Variants in ZNF385D observed in about 807,000 individuals in gnomAD.
ZNF385D encodes zinc finger protein 659.
Under a neutral mutation model 35.8 loss-of-function variants are expected in ZNF385D, and 15 were observed. The ratio of observed to expected loss-of-function variants is 0.42; its 90% CI spans 0.28 to 0.64. The LOEUF (loss-of-function observed/expected upper bound fraction) is 0.64. Among genes scored for constraint, ZNF385D ranks in the 30% least tolerant of loss-of-function variants. The pLI, the probability that ZNF385D is intolerant of heterozygous loss-of-function variation, is 0.23. For synonymous variants in ZNF385D, 212 were observed against 186.8 expected (o/e 1.13, Z -1.10); for missense variants, 474 against 494.6 (o/e 0.96, Z 0.39).
chr3:21,943,915 T>C (rs529130011), intron 3 of ZNF385D, among the ~76,000 whole-genome samples: 2 of 152,318 alleles, frequency 1.3e-5, no homozygotes, highest in African/African-American at 2.4e-5. Flanking sequence ...GTGTTAAAAA[T>C]TCAATCAAGC....
chr3:21,819,576 G>A (rs2073301847), intron 3 of ZNF385D, among the ~76,000 whole-genome samples: 1 of 148,540 alleles, frequency 6.7e-6, no homozygotes, highest in Non-Finnish European at 1.5e-5. Context: ...TTAATTATAT[G>A]TACACATATG....
chr3:21,872,296 G>A (rs1048563016), intron 3 of ZNF385D, among the ~76,000 whole-genome samples: 3 of 152,098 alleles, frequency 2.0e-5, no homozygotes, highest in African/African-American at 7.2e-5. Flanking sequence ...GTTTGAAGTT[G>A]CATTTTCTCA....
In ZNF385D at chr3:22,132,760, G is replaced by A. The variant is rs1413909819; in HGVS notation, c.325+36057C>T. Among the ~76,000 whole-genome samples the A allele has an allele frequency of 2.0e-5, 3 of 151,864 alleles. No individual in the cohort carries two copies. The East Asian group carries it at 5.8e-4, about 29-fold the overall frequency. ...TATAAATACTTAATAATTTACCCATGTCTTTATCTAAAAGGCACTAAAAGT... is the reference window on the plus strand; with the variant it reads ...TATAAATACTTAATAATTTACCCATATCTTTATCTAAAAGGCACTAAAAGT... On this transcript the variant is annotated intron_variant, in intron 3 of 5. Coordinates refer to the ZNF385D transcript ENST00000494108.
intron 4 of ZNF385D, among the ~76,000 whole-genome samples, chr3:21,486,074 A>T (rs1169084864): frequency 7.2e-6 from 1 of 138,622 alleles, no homozygotes; most frequent in Non-Finnish European, 1.5e-5. Flanking sequence ...TTGGGTCACC[A>T]GCTGATGATT....
chr3:22,372,465 C>A, exon 2 of ZNF385D: 1 of 986,002 alleles, frequency 1.0e-6, no homozygotes, highest in Non-Finnish European at 1.2e-6. Context: ...CTGGGCTGAG[C>A]TTTCGGCGCC....
intron 3 of ZNF385D, among the ~76,000 whole-genome samples, chr3:21,925,677 T>C (rs9830105): frequency 6.6e-6 from 1 of 152,030 alleles, no homozygotes; most frequent in Non-Finnish European, 1.5e-5. Flanking sequence ...TGTAAAGATG[T>C]TGAGTGGATA....
intron 3 of ZNF385D, among the ~76,000 whole-genome samples, chr3:21,906,035 T>C (rs1699668617): frequency 6.6e-6 from 1 of 152,196 alleles, no homozygotes; most frequent in South Asian, 2.1e-4. Context: ...AGCAGTGCTG[T>C]ATATTCAATT....
intron 3 of ZNF385D, among the ~76,000 whole-genome samples, chr3:21,885,898 G>T (rs1056994365): frequency 1.3e-5 from 2 of 151,972 alleles, no homozygotes; most frequent in African/African-American, 4.8e-5. Context: ...TAGCTCAGTG[G>T]AGGTCAGTCT....
At chr3:22,110,050 C>A in intron 3 of ZNF385D, among the ~76,000 whole-genome samples, 1 of 152,162 alleles carries the variant, frequency 6.6e-6, no homozygotes. Flanking sequence ...CTCATCATCA[C>A]TGACCATCAG....
chr3:21,883,606 T>C (rs1421178639), intron 3 of ZNF385D, among the ~76,000 whole-genome samples: 1 of 152,046 alleles, frequency 6.6e-6, no homozygotes, highest in Non-Finnish European at 1.5e-5. Context: ...AAGCTTGGAA[T>C]GACATAGGTT....
chr3:21,922,490 G>A lies in ZNF385D; in HGVS notation c.325+246327C>T, dbSNP rs528355227. Among the ~76,000 whole-genome samples, 113 of 152,122 alleles carry A rather than the reference G, an allele frequency of 7.4e-4. 1 individual carries two copies. Among genetic ancestry groups the A allele is most frequent in the Non-Finnish European group, 1.1e-3 (74 of 67,976 alleles). On this transcript the variant is annotated intron_variant, in intron 3 of 5. Transcript: ENST00000494108. ...ACAACCCAGAAATAGAGTCACACACGTACAGCCATCTGATCTTTGACAAAG... is the reference window on the plus strand; with the variant it reads ...ACAACCCAGAAATAGAGTCACACACATACAGCCATCTGATCTTTGACAAAG...
chr3:22,220,559 T>C (rs989752067), intron 2 of ZNF385D, among the ~76,000 whole-genome samples: 12 of 152,220 alleles, frequency 7.9e-5, no homozygotes, highest in African/African-American at 2.9e-4. Context: ...TCTGTTATTG[T>C]CATTGTCTTT....
chr3:21,803,094 G>T (rs529285777), intron 3 of ZNF385D, among the ~76,000 whole-genome samples: 1 of 152,046 alleles, frequency 6.6e-6, no homozygotes, highest in Non-Finnish European at 1.5e-5. Flanking sequence ...ACCCCTCCCC[G>T]CCACCTGACA....
At chr3:22,354,631 T>A (rs1349854347) in intron 2 of ZNF385D, among the ~76,000 whole-genome samples, 1 of 152,084 alleles carries the variant, frequency 6.6e-6, no homozygotes, top group Non-Finnish European at 1.5e-5. Flanking sequence ...TTTAATGGTA[T>A]AACAATATCC....
chr3:22,202,122 AATTTT>A (rs1696837875), intron 2 of ZNF385D, among the ~76,000 whole-genome samples: 1 of 152,058 alleles, frequency 6.6e-6, no homozygotes, highest in Non-Finnish European at 1.5e-5. Context: ...TCAATTTTTT[AATTTT>A]ATTTTTTAAA....
intron 3 of ZNF385D, among the ~76,000 whole-genome samples, chr3:22,100,001 C>A (rs1293925782): frequency 1.3e-5 from 2 of 151,768 alleles, no homozygotes; most frequent in African/African-American, 4.8e-5. Flanking sequence ...AAACAAACAA[C>A]CCCATCAAAA....
chr3:21,979,163 T>A (rs1404286803), intron 3 of ZNF385D, among the ~76,000 whole-genome samples: 1 of 152,056 alleles, frequency 6.6e-6, no homozygotes, highest in East Asian at 1.9e-4. Flanking sequence ...TGTAGAATAG[T>A]CTGGGCTGGG....
chr3:21,973,607 T>C (rs1703404465), intron 3 of ZNF385D, among the ~76,000 whole-genome samples: 1 of 151,844 alleles, frequency 6.6e-6, no homozygotes, highest in Admixed American at 6.6e-5. Context: ...GCCATCTAAA[T>C]TGGAAAGGAA....
At chr3:21,479,009 C>T (rs963383497) in intron 4 of ZNF385D, among the ~76,000 whole-genome samples, 2 of 150,828 alleles carry the variant, frequency 1.3e-5, no homozygotes, top group Non-Finnish European at 3.0e-5. Flanking sequence ...AAATATATAA[C>T]ATGATAAAGT....
Sources: gnomAD v4.1 joint callset for allele counts (sites outside exome capture counted in the v4.1 genomes callset) on GRCh38, gnomAD v4.1.1 for gene constraint, MANE v1.5 for transcripts, NCBI Gene and HGNC (gene_info 2026-07-23, HGNC 2026-07-21) for gene names.